Variants in FUBP1 observed in about 807,000 individuals in gnomAD.
FUBP1 encodes the protein far upstream element binding protein 1, also known as far upstream element-binding protein 1.
Under a neutral mutation model 94.9 loss-of-function variants are expected in FUBP1, and 16 were observed. The ratio of observed to expected loss-of-function variants is 0.17; its 90% confidence interval spans 0.11 to 0.26. The LOEUF is 0.26. FUBP1 is among the 10% of genes least tolerant of loss of function. The pLI, the probability that FUBP1 is intolerant of heterozygous loss-of-function variation, is 1.00. For missense variants in FUBP1, 583 were observed against 808.6 expected (o/e 0.72, Z 3.38); for synonymous variants, 279 against 254.9 (o/e 1.09, Z -0.90).
At chr1:77,969,027 A>G in intron 2 of FUBP1, 1 of 1,251,636 alleles carries the variant, frequency 8.0e-7, no homozygotes, top group Non-Finnish European at 1.1e-6. Flanking sequence ...CCTGCCTTTA[A>G]AAGGAGAGGG....
At chr1:77,967,383 G>T (rs1052009071) in intron 4 of FUBP1, among the ~76,000 whole-genome samples, 1 of 152,156 alleles carries the variant, frequency 6.6e-6, no homozygotes, top group Non-Finnish European at 1.5e-5. Context: ...CATCTTAACA[G>T]TTACTCTAAT....
At chr1:77,960,783 T>C in intron 14 of FUBP1, 1 of 288,530 alleles carries the variant, frequency 3.5e-6, no homozygotes, top group Non-Finnish European at 6.4e-6. Context: ...CAGCAGTAGT[T>C]CCCTTTCCTT....
chr1:77,979,287 T>C (rs1319598397), upstream of FUBP1: 2 of 416,214 alleles, frequency 4.8e-6, no homozygotes, highest in East Asian at 7.6e-5. Context: ...CTCCGCGCGT[T>C]CTTGGGGTGA....
intron 18 of FUBP1, among the ~76,000 whole-genome samples, chr1:77,951,872 C>T (rs1653536629): frequency 6.6e-6 from 1 of 152,114 alleles, no homozygotes; most frequent in Non-Finnish European, 1.5e-5. Flanking sequence ...CCTCACTCTA[C>T]CCTCCTTTAG....
intron 1 of FUBP1, among the ~76,000 whole-genome samples, chr1:77,978,110 G>A (rs534073365): frequency 1.0e-3 from 159 of 152,330 alleles, no homozygotes; most frequent in Non-Finnish European, 1.9e-3. Flanking sequence ...GACTATCTAA[G>A]AATGTAAAGT....
At chr1:77,964,189 TA>T in intron 11 of FUBP1, 27 bp from the exon 12 acceptor site, 1 of 1,557,764 alleles carries the variant, frequency 6.4e-7, no homozygotes. Flanking sequence ...CAAAATTAAT[TA>T]AACAATAAAT....
At chr1:77,964,445 A>T in intron 10 of FUBP1, 89 bp from the exon 11 acceptor site, 1 of 795,798 alleles carries the variant, frequency 1.3e-6, no homozygotes, top group African/African-American at 1.7e-5. Context: ...CATTTCCTGA[A>T]AATCTGCCTC....
chr1:77,978,873 G>C lies in FUBP1; in HGVS notation c.120+12C>G, dbSNP rs1345835219. 6.2e-7 allele frequency: 1 copy of C among 1,613,816 alleles called. No homozygotes were observed. Among genetic ancestry groups the C allele is most frequent in the Non-Finnish European group, 8.5e-7 (1 of 1,180,010 alleles). ...TGAGCTTTCGGGATTCCGCCGCGCGGTCCACACTTACCTGCCGGGCTCTCT... is the reference window on the plus strand; with the variant it reads ...TGAGCTTTCGGGATTCCGCCGCGCGCTCCACACTTACCTGCCGGGCTCTCT... On this transcript the variant is annotated intron_variant, in intron 1 of 19. Coordinates refer to ENST00000370768, the MANE Select transcript of FUBP1 (RefSeq NM_003902.5).
chr1:77,971,945 C>T (rs1324904429), intron 1 of FUBP1, among the ~76,000 whole-genome samples: 4 of 144,886 alleles, frequency 2.8e-5, no homozygotes, highest in Admixed American at 1.4e-4. Context: ...GTGGAGGTTA[C>T]GGTGAGCCAA....
chr1:77,978,517 C>T (rs1164271994), intron 1 of FUBP1, among the ~76,000 whole-genome samples: 1 of 152,224 alleles, frequency 6.6e-6, no homozygotes, highest in Non-Finnish European at 1.5e-5. Context: ...GACCCTAGTT[C>T]TTTCCCAAAC....
rs1173095713 is a variant in FUBP1 at position 77,949,587 on chromosome 1, AAAG to A, written c.1781-290_1781-288del. On this transcript the variant is annotated intron_variant, in intron 18 of 19. Transcript: ENST00000370768. ...AACTACTCTGCAATTAGAAAAAAAA[AAAG>A]AACGCTCTTTTCTTTTTGCCTTATA... Among the ~76,000 whole-genome samples, 6 of 152,286 alleles carry A rather than the reference AAAG, an allele frequency of 3.9e-5. No individual in the cohort carries two copies. The East Asian group carries it at 7.7e-4, about 20-fold the overall frequency.
intron 1 of FUBP1, among the ~76,000 whole-genome samples, chr1:77,973,327 T>C (rs574759156): frequency 3.0e-4 from 46 of 152,242 alleles, no homozygotes; most frequent in African/African-American, 1.1e-3. Flanking sequence ...CTCACTGCAA[T>C]GTCCGCCCCC....
intron 16 of FUBP1, 30 bp from the exon 17 acceptor site, chr1:77,956,730 T>G (rs1309453615): frequency 6.3e-7 from 1 of 1,590,910 alleles, no homozygotes; most frequent in Non-Finnish European, 8.6e-7. Flanking sequence ...AAGGTTTGCA[T>G]GTGAAGTCTG....
chr1:77,964,557 A>T (rs1571307802), intron 10 of FUBP1, 89 bp downstream of exon 10: 2 of 795,172 alleles, frequency 2.5e-6, no homozygotes, highest in East Asian at 4.9e-5. Context: ...AAAGGATAAC[A>T]ATGTTAGAGC....
At chr1:77,949,097 G>A (rs1652828910) in intron 19 of FUBP1, 58 bp downstream of exon 19, 6 of 1,481,010 alleles carry the variant, frequency 4.1e-6, no homozygotes, top group Non-Finnish European at 5.6e-6. Flanking sequence ...CAGACAAACA[G>A]TAAACATGCA....
At position 77,945,431 on chromosome 1, in the gene FUBP1, G is replaced by T. The variant is rs924118721; in HGVS notation, c.*3335C>A. The T allele has an allele frequency of 4.7e-6, 1 of 212,332 alleles. No individual in the cohort carries two copies. Among genetic ancestry groups the T allele is most frequent in the Admixed American group, 5.9e-5 (1 of 17,046 alleles). 13.2% of individuals were successfully genotyped at this position (212,332 alleles called of 1,614,324 possible). A position where few individuals can be genotyped will look rare whatever the true frequency, so the allele number is the denominator to read the frequency against. On this transcript the variant is annotated 3_prime_UTR_variant, in exon 20 of 20. Transcript: ENST00000370768. ...TTAAAATGAAAAGTGATCAAAAGCAGGTACATTACACCCTATACCATATTA... is the reference window on the plus strand; with the variant it reads ...TTAAAATGAAAAGTGATCAAAAGCATGTACATTACACCCTATACCATATTA...
In FUBP1 at chr1:77,948,772, G is replaced by T. The variant is rs2102229381; in HGVS notation, c.1929C>A (p.Gly643=). 1 of 1,606,034 alleles carries T rather than the reference G, an allele frequency of 6.2e-7. No individual in the cohort carries two copies. Among genetic ancestry groups the T allele is most frequent in the South Asian group, 1.1e-5 (1 of 90,794 alleles). Residue 643 remains glycine (G), a splice_region_variant and synonymous_variant, in exon 20 of 20, where the codon GGC becomes GGA. Transcript: ENST00000370768. ...CTGTATTGTCCACTTCTTATTATTG[G>T]CCCTGTGCAGAAGAGATACATAAGA... ...GMPQHPPAPQ[G]Q is the part of the protein sequence containing the mutation.
At chr1:77,959,669 G>T (rs897233473) in intron 16 of FUBP1, among the ~76,000 whole-genome samples, 1 of 152,044 alleles carries the variant, frequency 6.6e-6, no homozygotes, top group Non-Finnish European at 1.5e-5. Context: ...TCAGCCTCAA[G>T]TACAGGCACA....
chr1:77,960,939 C>T (rs562921364), intron 14 of FUBP1, among the ~76,000 whole-genome samples: 1 of 152,160 alleles, frequency 6.6e-6, no homozygotes, highest in African/African-American at 2.4e-5. Context: ...CCTGTATCAT[C>T]GTCTTCTGAA....
Sources: gnomAD v4.1 joint callset for allele counts (sites outside exome capture counted in the v4.1 genomes callset) on GRCh38, gnomAD v4.1.1 for gene constraint, MANE v1.5 for transcripts, NCBI Gene and HGNC (gene_info 2026-07-23, HGNC 2026-07-21) for gene names.